The following ASIC2 variants were observed in gnomAD, a reference collection of about 807,000 sequenced individuals.
The protein encoded by ASIC2 is acid sensing ion channel subunit 2.
A neutral mutation model predicts 57.3 loss-of-function variants in ASIC2; 25 were observed. The ratio of observed to expected loss-of-function variants is 0.44; its 90% CI spans 0.32 to 0.61. The LOEUF (loss-of-function observed/expected upper bound fraction) is 0.61, where lower values mean the gene tolerates loss of function less well. ASIC2 is among the 20% of genes least tolerant of loss of function. The pLI is 0.06. For synonymous variants in ASIC2, 319 were observed against 307.5 expected, an observed-to-expected ratio of 1.04 and a Z score of -0.39; for missense variants, 641 against 738.1, an observed-to-expected ratio of 0.87 and a Z score of 1.52.
rs1007185344 is a variant in ASIC2, at chr17:33,228,325, G to A, written c.708+63083C>T. Among the ~76,000 whole-genome samples, 9 of 152,284 alleles carry A rather than the reference G, an allele frequency of 5.9e-5. 1 individual carries two copies. The highest frequency in any genetic ancestry group is 1.9e-4 in the African/African-American group (8 of 41,564). On this transcript the variant is annotated intron_variant, in intron 1 of 9. Coordinates refer to ENST00000225823, the MANE Select transcript of ASIC2 (RefSeq NM_183377.2). The stretch of plus-strand genomic sequence containing the variant: ...CTTGAAAAACGATGGTGAATTTTAT[G>A]CAACGTAAATGTTATCACAATTGAA...
intron 1 of ASIC2, among the ~76,000 whole-genome samples, chr17:33,332,182 C>T (rs1907340380): frequency 6.6e-6 from 1 of 152,202 alleles, no homozygotes; most frequent in Non-Finnish European, 1.5e-5. Context: ...GCCTCTGACT[C>T]CCTTCTTGGT....
At chr17:33,269,684 C>CTT (rs1567805285) in intron 1 of ASIC2, among the ~76,000 whole-genome samples, 2 of 27,396 alleles carry the variant, frequency 7.3e-5, no homozygotes, top group Non-Finnish European at 1.6e-4. Flanking sequence ...CCCTCCCTCC[C>CTT]TCCTGCCTGC....
chr17:33,835,437 C>A (rs964694524), intron 1 of ASIC2, among the ~76,000 whole-genome samples: 2 of 152,188 alleles, frequency 1.3e-5, no homozygotes, highest in African/African-American at 2.4e-5. Flanking sequence ...CCTAAGAAGT[C>A]TTCACTGATA....
At chr17:34,094,066 C>T (rs572405026) in intron 1 of ASIC2, among the ~76,000 whole-genome samples, 8 of 152,136 alleles carry the variant, frequency 5.3e-5, no homozygotes, top group Admixed American at 2.0e-4. Context: ...GGAAGAAGAA[C>T]GAACTATAAA....
At chr17:33,902,843 T>C (rs1915261107) in intron 1 of ASIC2, among the ~76,000 whole-genome samples, 2 of 152,212 alleles carry the variant, frequency 1.3e-5, no homozygotes, top group African/African-American at 4.8e-5. Context: ...GGTCCTGCCA[T>C]TTCCCCAAAA....
chr17:33,086,098 C>G (rs936173629), intron 3 of ASIC2, among the ~76,000 whole-genome samples: 2 of 151,986 alleles, frequency 1.3e-5, no homozygotes, highest in Non-Finnish European at 2.9e-5. Flanking sequence ...GAAAGAGAAA[C>G]TTAAGGATTC....
At chr17:34,057,833 G>A (rs772072940) in intron 1 of ASIC2, among the ~76,000 whole-genome samples, 2 of 152,108 alleles carry the variant, frequency 1.3e-5, no homozygotes, top group Non-Finnish European at 2.9e-5. Flanking sequence ...CTTTGGAAAT[G>A]CCTGTGATAG....
intron 1 of ASIC2, among the ~76,000 whole-genome samples, chr17:33,505,238 G>C (rs1194240554): frequency 6.6e-6 from 1 of 151,996 alleles, no homozygotes; most frequent in Admixed American, 6.6e-5. Context: ...CAACAAGAGT[G>C]AGACCCAATC....
intron 1 of ASIC2, among the ~76,000 whole-genome samples, chr17:33,876,032 G>T (rs1162069345): frequency 6.6e-6 from 1 of 152,088 alleles, no homozygotes; most frequent in Middle Eastern, 3.2e-3. Flanking sequence ...ATAAAAATGG[G>T]TCTAAACGAG....
intron 1 of ASIC2, among the ~76,000 whole-genome samples, chr17:33,763,308 G>A (rs998420043): frequency 6.6e-6 from 1 of 152,174 alleles, no homozygotes; most frequent in African/African-American, 2.4e-5. Flanking sequence ...GAAGAACACA[G>A]CTTTAGGCTC....
At chr17:33,086,902 T>A (rs2092136114) in intron 3 of ASIC2, among the ~76,000 whole-genome samples, 1 of 152,158 alleles carries the variant, frequency 6.6e-6, no homozygotes, top group South Asian at 2.1e-4. Flanking sequence ...ATGATTTTTT[T>A]ACTTCTCTGA....
At chr17:33,262,752 A>C (rs1296716387) in intron 1 of ASIC2, among the ~76,000 whole-genome samples, 1 of 152,138 alleles carries the variant, frequency 6.6e-6, no homozygotes, top group Admixed American at 6.5e-5. Flanking sequence ...AACGCAAATA[A>C]ACATGTAATC....
chr17:33,636,581 TTTC>T (rs1336800070), intron 1 of ASIC2, among the ~76,000 whole-genome samples: 5 of 152,228 alleles, frequency 3.3e-5, no homozygotes, highest in Admixed American at 6.5e-5. Context: ...CCCTGATTTC[TTTC>T]TAAGAGTCCA....
intron 1 of ASIC2, among the ~76,000 whole-genome samples, chr17:34,022,357 G>C (rs1390449962): frequency 6.6e-6 from 1 of 152,108 alleles, no homozygotes; most frequent in Non-Finnish European, 1.5e-5. Flanking sequence ...CCAGGGTACG[G>C]TTTTGGACAC....
chr17:33,096,603 T>C (rs2092180740), intron 2 of ASIC2, among the ~76,000 whole-genome samples: 1 of 152,146 alleles, frequency 6.6e-6, no homozygotes, highest in African/African-American at 2.4e-5. Context: ...CTCCTGGAGC[T>C]CATGTTCTGA....
chr17:33,742,741 C>G (rs1910147728), intron 1 of ASIC2, among the ~76,000 whole-genome samples: 1 of 152,168 alleles, frequency 6.6e-6, no homozygotes, highest in Non-Finnish European at 1.5e-5. Flanking sequence ...GTTCATTGGT[C>G]ACAACTGAAG....
chr17:33,501,351 G>A (rs1416075401), intron 1 of ASIC2, among the ~76,000 whole-genome samples: 1 of 152,202 alleles, frequency 6.6e-6, no homozygotes, highest in African/African-American at 2.4e-5. Context: ...GCAGACACAT[G>A]TCAGAAAATA....
chr17:33,535,364 C>T (rs1915195620), intron 1 of ASIC2, among the ~76,000 whole-genome samples: 1 of 151,782 alleles, frequency 6.6e-6, no homozygotes, highest in Non-Finnish European at 1.5e-5. Context: ...GCTCTGCCTC[C>T]CAGGTTCATG....
intron 1 of ASIC2, among the ~76,000 whole-genome samples, chr17:33,459,209 C>T (rs1912552638): frequency 6.6e-6 from 1 of 152,020 alleles, no homozygotes; most frequent in Admixed American, 6.6e-5. Flanking sequence ...ATGGGGGCAG[C>T]AGTGAGTGAT....
Sources: gnomAD v4.1 joint callset for allele counts (sites outside exome capture counted in the v4.1 genomes callset) on GRCh38, gnomAD v4.1.1 for gene constraint, MANE v1.5 for transcripts, NCBI Gene and HGNC (gene_info 2026-07-23, HGNC 2026-07-21) for gene names.